The following SLC30A9 variants were observed in gnomAD, a reference collection of about 807,000 sequenced individuals.
SLC30A9 encodes proton-coupled zinc antiporter SLC30A9, mitochondrial.
A neutral mutation model predicts 87.5 loss-of-function variants in SLC30A9; 58 were observed. The observed-to-expected ratio is 0.66, with a 90% CI of 0.54 to 0.82. The LOEUF (loss-of-function observed/expected upper bound fraction) is 0.82, where lower values mean the gene tolerates loss of function less well. Among genes scored for constraint, SLC30A9 ranks in the 40% least tolerant of loss-of-function variants. The probability of loss-of-function intolerance (pLI) is 0.00; values close to 1 mark genes in which losing one functional copy is unlikely to be tolerated. For synonymous variants in SLC30A9, 234 were observed against 233.0 expected, an observed-to-expected ratio of 1.00 and a Z score of -0.04; for missense variants, 557 against 679.1, an observed-to-expected ratio of 0.82 and a Z score of 2.00.
At position 41,990,772 on chromosome 4, in the gene SLC30A9, G is replaced by A. The variant is rs1390743083; in HGVS notation, c.109+12G>A. 1.1e-5 allele frequency: 18 copies of A among 1,592,176 alleles called. No homozygotes were observed. The highest frequency in any genetic ancestry group is 6.7e-5 in the East Asian group (3 of 44,606). On this transcript the variant is annotated intron_variant, in intron 1 of 17. Coordinates refer to ENST00000264451, the MANE Select transcript of SLC30A9 (RefSeq NM_006345.4). ...CAGCGACCGCCAGGGTGAGTGTCCC[G>A]CGCTGGCCGCTGGCTCCGTAGAAGC...
intron 9 of SLC30A9, among the ~76,000 whole-genome samples, chr4:42,053,876 G>A (rs1717492137): frequency 6.6e-6 from 1 of 152,034 alleles, no homozygotes; most frequent in South Asian, 2.1e-4. Flanking sequence ...TTTCTGACTG[G>A]CAACATAGAT....
chr4:42,001,300 T>C (rs960536705), intron 1 of SLC30A9, among the ~76,000 whole-genome samples: 1 of 152,066 alleles, frequency 6.6e-6, no homozygotes, highest in Non-Finnish European at 1.5e-5. Flanking sequence ...GAGTCCTTTA[T>C]TCTGAAAAGT....
intron 8 of SLC30A9, among the ~76,000 whole-genome samples, chr4:42,046,544 A>T (rs534313272): frequency 6.6e-6 from 1 of 152,320 alleles, no homozygotes; most frequent in Admixed American, 6.5e-5. Context: ...GGACCTCTTC[A>T]AGGAGAACTA....
chr4:42,084,432 T>A (rs10001295), intron 17 of SLC30A9, among the ~76,000 whole-genome samples: 1 of 152,042 alleles, frequency 6.6e-6, no homozygotes, highest in South Asian at 2.1e-4. Context: ...TAATTCCCCT[T>A]AAGTTGATTT....
At chr4:42,029,489 C>G in intron 6 of SLC30A9, 1 of 664,082 alleles carries the variant, frequency 1.5e-6, no homozygotes, top group Non-Finnish European at 2.8e-6. Flanking sequence ...GCCTTTCATC[C>G]TAATGATCCC....
chr4:42,088,030 A>AAAAAAT lies in SLC30A9; in HGVS notation c.*1904_*1905insAAAAAT. On this transcript the variant is annotated 3_prime_UTR_variant, in exon 18 of 18. Coordinates refer to ENST00000264451, the MANE Select transcript of SLC30A9 (RefSeq NM_006345.4). ...GGATTCCCTAATAAAAAAAAAAAAA[A>AAAAAAT]TTCTGATATTTCTTTTTAAATCTGA... 6.6e-6 allele frequency: 1 copy of AAAAAAT among 150,528 alleles called. No homozygotes were observed. Among genetic ancestry groups the AAAAAAT allele is most frequent in the African/African-American group, 2.4e-5 (1 of 41,074 alleles). The allele number at this position is 150,528 out of a possible 1,614,324, so 9.3% of individuals were successfully genotyped here.
Position 42,060,255 on chromosome 4 carries a change from A to G in SLC30A9, c.896+9A>G, listed in dbSNP as rs1283967481. The G allele has an allele frequency of 1.9e-6, 3 of 1,605,208 alleles. No homozygotes were observed. The highest frequency in any genetic ancestry group is 2.2e-5 in the South Asian group (2 of 90,866). ...CCAGATCCTTCTCATCCGTAAGGACATTGCCTTATTTTGTTTTTGTTTGTT... is the reference window on the plus strand; with the variant it reads ...CCAGATCCTTCTCATCCGTAAGGACGTTGCCTTATTTTGTTTTTGTTTGTT... On this transcript the variant is annotated intron_variant, in intron 10 of 17. Coordinates refer to ENST00000264451, the MANE Select transcript of SLC30A9 (RefSeq NM_006345.4).
At chr4:42,055,090 G>A (rs1227075976) in intron 9 of SLC30A9, among the ~76,000 whole-genome samples, 2 of 151,938 alleles carry the variant, frequency 1.3e-5, no homozygotes, top group Non-Finnish European at 2.9e-5. Flanking sequence ...TTGGGAGGCC[G>A]AAGCAGGCAG....
chr4:41,998,462 C>CTTTTTTTTTTTTTT (rs34295020), intron 1 of SLC30A9, among the ~76,000 whole-genome samples: 6 of 144,936 alleles, frequency 4.1e-5, no homozygotes, highest in Non-Finnish European at 6.1e-5. Context: ...TTCAGTAATT[C>CTTTTTTTTTTTTTT]TTTTTTTTTG....
intron 15 of SLC30A9, among the ~76,000 whole-genome samples, chr4:42,072,437 C>T (rs1472770382): frequency 6.6e-6 from 1 of 152,098 alleles, no homozygotes; most frequent in Non-Finnish European, 1.5e-5. Flanking sequence ...CTGCATTCCA[C>T]ACATTTCCAT....
chr4:42,056,526 A>G (rs1717620327), intron 9 of SLC30A9, among the ~76,000 whole-genome samples: 1 of 152,150 alleles, frequency 6.6e-6, no homozygotes, highest in African/African-American at 2.4e-5. Context: ...ACTTGCCTCC[A>G]TGATTCAGTT....
chr4:41,992,430 C>G (rs1435206442), intron 1 of SLC30A9, among the ~76,000 whole-genome samples: 1 of 152,058 alleles, frequency 6.6e-6, no homozygotes, highest in Non-Finnish European at 1.5e-5. Flanking sequence ...ACAATTGTTT[C>G]TATTGACCAA....
chr4:42,062,010 C>T (rs1034726874), intron 10 of SLC30A9, among the ~76,000 whole-genome samples: 3 of 151,858 alleles, frequency 2.0e-5, no homozygotes, highest in Non-Finnish European at 4.4e-5. Context: ...GCCTGACCAA[C>T]GTGGAGAAGC....
At position 42,026,519 on chromosome 4, in the gene SLC30A9, C is replaced by T. The variant is rs572114281; in HGVS notation, c.610+3135C>T. ...ACGACTAACAGATTTTATTAAGCAT[C>T]GTGAGGTTTCTCAGAAGAATATCAT... is the stretch of plus-strand genomic sequence containing the variant. On this transcript the variant is annotated intron_variant, in intron 6 of 17. Transcript: ENST00000264451. Among the ~76,000 whole-genome samples the T allele has an allele frequency of 1.1e-4, 17 of 152,272 alleles. No homozygotes were observed. In the South Asian group the frequency reaches 1.2e-3, roughly 11 times the overall value.
At chr4:42,033,041 T>C (rs973816898) in intron 6 of SLC30A9, among the ~76,000 whole-genome samples, 5 of 152,232 alleles carry the variant, frequency 3.3e-5, no homozygotes, top group Admixed American at 1.3e-4. Flanking sequence ...TTAGTATATA[T>C]ATCCCACTAG....
At chr4:42,006,086 T>C (rs1225347486) in intron 2 of SLC30A9, among the ~76,000 whole-genome samples, 1 of 152,252 alleles carries the variant, frequency 6.6e-6, no homozygotes, top group Non-Finnish European at 1.5e-5. Context: ...AACGGTTTAC[T>C]TAGCATTTGC....
intron 14 of SLC30A9, 50 bp downstream of exon 14, chr4:42,067,242 T>C (rs760870256): frequency 4.4e-6 from 5 of 1,137,934 alleles, no homozygotes; most frequent in Admixed American, 3.6e-5. Context: ...CTTAAATAAT[T>C]CTCTAATATG....
chr4:42,045,584 TAAAAA>T (rs34964085), intron 8 of SLC30A9, among the ~76,000 whole-genome samples: 3 of 134,806 alleles, frequency 2.2e-5, no homozygotes, highest in Admixed American at 7.1e-5. Flanking sequence ...GCCTATCAAC[TAAAAA>T]AAAAAAAAAA....
intron 12 of SLC30A9, among the ~76,000 whole-genome samples, chr4:42,065,774 T>C (rs1242919389): frequency 6.6e-6 from 1 of 152,254 alleles, no homozygotes; most frequent in Non-Finnish European, 1.5e-5. Flanking sequence ...CATTATTCCT[T>C]GATTGAACCC....
Sources: gnomAD v4.1 joint callset for allele counts (sites outside exome capture counted in the v4.1 genomes callset) on GRCh38, gnomAD v4.1.1 for gene constraint, MANE v1.5 for transcripts, NCBI Gene and HGNC (gene_info 2026-07-23, HGNC 2026-07-21) for gene names.